The following DDHD1 variants were observed in gnomAD, a reference collection of about 807,000 sequenced individuals.
DDHD1 encodes DDHD domain containing 1, also known as phospholipase DDHD1.
DDHD1 carries 49 observed loss-of-function variants against 96.4 expected under a neutral mutation model. The observed-to-expected ratio is 0.51, with a 90% CI of 0.40 to 0.64. The LOEUF (loss-of-function observed/expected upper bound fraction) is 0.64. Ranked by LOEUF, DDHD1 falls within the 30% of genes least tolerant of loss-of-function variation. The pLI is 0.00. For missense variants in DDHD1, 1,106 were observed against 1,161.2 expected (o/e 0.95, Z 0.69); for synonymous variants, 442 against 446.5 (o/e 0.99, Z 0.13).
rs752058566 is a variant in DDHD1, at chr14:53,046,841, G to A, written c.2630C>T (p.Ala877Val). 6.2e-7 allele frequency: 1 copy of A among 1,613,242 alleles called. No individual in the cohort carries two copies. Among genetic ancestry groups the A allele is most frequent in the Non-Finnish European group, 8.5e-7 (1 of 1,179,546 alleles). Reference sequence around the variant, plus strand: ...ATACATGAAGGTTAAAAGAAAAAGGGCAACATCCAAGGATGACCAATAGGC... The same window carrying A: ...ATACATGAAGGTTAAAAGAAAAAGGACAACATCCAAGGATGACCAATAGGC... ...HTAYWSSLDVALFLLTFMYKH... is the reference protein window; with the variant it reads ...HTAYWSSLDVVLFLLTFMYKH... Residue 877 changes from alanine to valine, a missense_variant, in exon 13 of 13, where the codon GCC becomes GTC. By Grantham distance (64) the Ala-to-Val change is moderately conservative. Around this residue, in one of 2 missense-constraint regions of DDHD1, gnomAD observed 650 missense variants for 758.8 expected, o/e 0.86. Transcript: ENST00000673822.
chr14:53,150,572 G>A (rs918505538), intron 1 of DDHD1, among the ~76,000 whole-genome samples: 1 of 152,184 alleles, frequency 6.6e-6, no homozygotes, highest in Non-Finnish European at 1.5e-5. Flanking sequence ...TATTCTTGGT[G>A]AATATACTTC....
intron 4 of DDHD1, among the ~76,000 whole-genome samples, chr14:53,082,338 T>C (rs867951237): frequency 1.3e-5 from 2 of 151,726 alleles, no homozygotes; most frequent in Non-Finnish European, 2.9e-5. Context: ...TAGAAAAAAA[T>C]TGGTAAACTA....
Position 53,054,597 on chromosome 14 carries a change from T to C in DDHD1, c.2278A>G (p.Met760Val). 1 of 1,614,046 alleles carries C rather than the reference T, an allele frequency of 6.2e-7. No individual in the cohort carries two copies. Among genetic ancestry groups the C allele is most frequent in the Non-Finnish European group, 8.5e-7 (1 of 1,179,952 alleles). The change falls in exon 11 of 13, where the codon ATG becomes GTG. Residue 760 changes from methionine (M) to valine (V), a missense_variant. Physicochemically the swap from Met to Val is conservative, Grantham distance 21 (BLOSUM62 1). Around this residue, in one of 2 missense-constraint regions of DDHD1, gnomAD observed 650 missense variants for 758.8 expected, o/e 0.86. Coordinates refer to ENST00000673822, the MANE Select transcript of DDHD1 (RefSeq NM_001160148.2). Reference protein sequence around the residue: ...AASIGKGLGGMLFSRFGRSST... With the variant: ...AASIGKGLGGVLFSRFGRSST... ...GAACGTCCAAATCTTGAGAACAACA[T>C]TCCTCCAAGTCCCTTTCCAATGCTA...
rs1383498965 is a variant in DDHD1 at position 53,044,351 on chromosome 14, C to T, written c.*2417G>A. On this transcript the variant is annotated 3_prime_UTR_variant, in exon 13 of 13. Transcript: ENST00000673822. ...TGAAAAAAAGGAAGCAGACATATTCCTATGGCTATAGGAACATACCTTTTA... is the reference window on the plus strand; with the variant it reads ...TGAAAAAAAGGAAGCAGACATATTCTTATGGCTATAGGAACATACCTTTTA... 6.6e-6 allele frequency: 1 copy of T among 152,060 alleles called. No homozygotes were observed. The highest frequency in any genetic ancestry group is 1.5e-5 in the Non-Finnish European group (1 of 67,998). 9.4% of individuals were successfully genotyped at this position (152,060 alleles called of 1,614,324 possible). A position where few individuals can be genotyped will look rare whatever the true frequency, so the allele number is the denominator to read the frequency against.
chr14:53,072,954 G>A lies in DDHD1; in HGVS notation c.1397-251C>T, dbSNP rs17126093. Reference sequence around the variant, plus strand: ...AAAGCCATTATCAAATCTATAAAGCGTCACCCTTTTTTGTATGTACTGGCT... The same window carrying A: ...AAAGCCATTATCAAATCTATAAAGCATCACCCTTTTTTGTATGTACTGGCT... On this transcript the variant is annotated intron_variant, in intron 5 of 12. Coordinates refer to ENST00000673822, the MANE Select transcript of DDHD1 (RefSeq NM_001160148.2). Among the ~76,000 whole-genome samples, 2,603 of 151,824 alleles carry A rather than the reference G, an allele frequency of 0.017. 38 individuals are homozygous for A. Among genetic ancestry groups the A allele is most frequent in the African/African-American group, 0.044 (1,818 of 41,458 alleles).
intron 9 of DDHD1, among the ~76,000 whole-genome samples, chr14:53,057,277 A>G (rs781433472): frequency 2.6e-5 from 4 of 152,216 alleles, no homozygotes; most frequent in Non-Finnish European, 4.4e-5. Context: ...AATGCTATTT[A>G]AAATAGTTTA....
Position 53,103,664 on chromosome 14 carries a change from A to C in DDHD1, c.1012+19T>G, listed in dbSNP as rs1399026137. 1.3e-6 allele frequency: 2 copies of C among 1,587,418 alleles called. No individual in the cohort carries two copies. The highest frequency in any genetic ancestry group is 8.6e-7 in the Non-Finnish European group (1 of 1,167,308). On this transcript the variant is annotated intron_variant, in intron 2 of 12. Transcript: ENST00000673822. ...TTACTTGGTTTGTAGAATATATTAA[A>C]TGTATCAATTGATCTTACCATCTTT... is the stretch of plus-strand genomic sequence containing the variant.
At chr14:53,129,151 C>T (rs1889677260) in intron 1 of DDHD1, among the ~76,000 whole-genome samples, 1 of 152,198 alleles carries the variant, frequency 6.6e-6, no homozygotes, top group Non-Finnish European at 1.5e-5. Context: ...TTGGTGGACT[C>T]TCTTCAAATG....
chr14:53,096,434 A>T (rs1222766996), intron 2 of DDHD1, among the ~76,000 whole-genome samples: 2 of 152,092 alleles, frequency 1.3e-5, no homozygotes, highest in African/African-American at 4.8e-5. Flanking sequence ...GGCAAATAAT[A>T]TCTAAATTTA....
intron 2 of DDHD1, chr14:53,103,094 A>G (rs1887432438): frequency 6.5e-7 from 1 of 1,548,870 alleles, no homozygotes. Context: ...ACTTTACCAC[A>G]TATTTTGAAG....
chr14:53,095,662 A>T (rs1426892566), intron 2 of DDHD1, among the ~76,000 whole-genome samples: 2 of 152,212 alleles, frequency 1.3e-5, no homozygotes, highest in Non-Finnish European at 2.9e-5. Flanking sequence ...CAGCTTTTTA[A>T]ATAAAAGAGC....
chr14:53,094,016 T>C (rs1012513511), intron 2 of DDHD1, among the ~76,000 whole-genome samples: 2 of 151,196 alleles, frequency 1.3e-5, no homozygotes, highest in Non-Finnish European at 3.0e-5. Flanking sequence ...TCTACAAAAA[T>C]ACAAAAAAAA....
intron 1 of DDHD1, among the ~76,000 whole-genome samples, chr14:53,145,149 C>G (rs1221137755): frequency 6.6e-6 from 1 of 151,826 alleles, no homozygotes; most frequent in East Asian, 1.9e-4. Flanking sequence ...GACTCCATCT[C>G]AAAAATAATA....
At chr14:53,106,066 G>T (rs556758474) in intron 1 of DDHD1, among the ~76,000 whole-genome samples, 1 of 151,870 alleles carries the variant, frequency 6.6e-6, no homozygotes, top group African/African-American at 2.4e-5. Context: ...CCATTTAAAA[G>T]GTATTGTATG....
intron 1 of DDHD1, among the ~76,000 whole-genome samples, chr14:53,119,402 T>C (rs1455061884): frequency 3.9e-5 from 6 of 152,192 alleles, no homozygotes. Context: ...CCATTCCTTC[T>C]GAAACTATTT....
chr14:53,051,749 C>T, intron 12 of DDHD1, 95 bp downstream of exon 12: 2 of 958,768 alleles, frequency 2.1e-6, no homozygotes, highest in Non-Finnish European at 3.1e-6. Context: ...GCTGGGATCT[C>T]ATAGAAGAAC....
chr14:53,049,788 A>T (rs578249801), intron 12 of DDHD1, among the ~76,000 whole-genome samples: 1 of 152,188 alleles, frequency 6.6e-6, no homozygotes, highest in South Asian at 2.1e-4. Flanking sequence ...AGAAGTAAAA[A>T]TGAGAAAAGA....
intron 1 of DDHD1, among the ~76,000 whole-genome samples, chr14:53,139,628 G>C (rs1259403702): frequency 6.6e-6 from 1 of 152,118 alleles, no homozygotes; most frequent in Non-Finnish European, 1.5e-5. Flanking sequence ...AGAAGTTGCA[G>C]TGAGCTGAGA....
chr14:53,148,894 A>G (rs1196842365), intron 1 of DDHD1, among the ~76,000 whole-genome samples: 2 of 152,218 alleles, frequency 1.3e-5, no homozygotes, highest in Non-Finnish European at 2.9e-5. Flanking sequence ...AACCACTGTA[A>G]TAAGGATGTT....
Sources: allele counts gnomAD v4.1 joint callset (sites outside exome capture counted in the v4.1 genomes callset), GRCh38; gene constraint gnomAD v4.1.1; regional missense constraint gnomAD v4.1.1; transcripts MANE v1.5; gene names NCBI Gene and HGNC (gene_info 2026-07-23, HGNC 2026-07-21).